Variants in S100Z observed in about 807,000 individuals in gnomAD.
S100Z encodes S100 calcium binding protein Z, also known as protein S100-Z.
S100Z carries 11 observed loss-of-function variants against 8.5 expected under a neutral mutation model. That is an observed-to-expected ratio of 1.30 (90% CI 0.82 to 2.15). The LOEUF (loss-of-function observed/expected upper bound fraction) is 2.15. Ranked by LOEUF, S100Z falls within the 30% of genes most tolerant of loss-of-function variation. S100Z has a pLI of 0.00. For missense variants in S100Z, 126 were observed against 117.9 expected (o/e 1.07, Z -0.32); for synonymous variants, 34 against 43.8 (o/e 0.78, Z 0.89).
intron 1 of S100Z, among the ~76,000 whole-genome samples, chr5:76,867,727 A>C (rs532221600): frequency 1.3e-5 from 2 of 151,876 alleles, no homozygotes; most frequent in African/African-American, 4.8e-5. Context: ...GATTACAGGC[A>C]TGCATAACCA....
In S100Z at chr5:76,889,696, G is replaced by A. The variant is rs1743791777; in HGVS notation, c.*2+11862G>A. 2.0e-5 allele frequency among the ~76,000 whole-genome samples: 3 copies of A among 152,250 alleles called. No homozygotes were observed. The South Asian group carries it at 6.2e-4, about 31-fold the overall frequency. On this transcript the variant is annotated intron_variant, in intron 4 of 4. Transcript: ENST00000317593. ...TTCAAATAAGTAAGAATTACATGAT[G>A]TACCAAAAGCTCTTTTCCAGTAAAG...
intron 4 of S100Z, among the ~76,000 whole-genome samples, chr5:76,881,552 T>A (rs1420268731): frequency 6.6e-6 from 1 of 152,172 alleles, no homozygotes; most frequent in African/African-American, 2.4e-5. Flanking sequence ...TAAGGACAGA[T>A]TTCCATGATG....
At chr5:76,907,845 A>G (rs1182668853) in intron 4 of S100Z, among the ~76,000 whole-genome samples, 1 of 152,148 alleles carries the variant, frequency 6.6e-6, no homozygotes, top group Non-Finnish European at 1.5e-5. Context: ...TGTAATAAAT[A>G]AGGCCAGGTG....
At chr5:76,945,292 G>T in the S100Z span, among the ~76,000 whole-genome samples, 1 of 152,150 alleles carries the variant, frequency 6.6e-6, no homozygotes, top group Admixed American at 6.5e-5. Context: ...ATTGTCCAAG[G>T]TTTCTTCCCG....
intron 4 of S100Z, among the ~76,000 whole-genome samples, chr5:76,901,150 C>T (rs1246152812): frequency 6.9e-6 from 1 of 144,552 alleles, no homozygotes; most frequent in Admixed American, 6.7e-5. Context: ...GTGGCCACCA[C>T]CACAATGACT....
rs959419947 is a variant in S100Z, at chr5:76,921,232, T to C, written c.*518T>C. The C allele has an allele frequency of 6.6e-5, 10 of 152,224 alleles. No homozygotes were observed. Among genetic ancestry groups the C allele is most frequent in the Non-Finnish European group, 1.5e-4 (10 of 68,030 alleles). The allele number at this position is 152,224 out of a possible 1,614,324, so 9.4% of individuals were successfully genotyped here. On this transcript the variant is annotated 3_prime_UTR_variant, in exon 5 of 5. Transcript: ENST00000317593. ...TAATAAATATACAACTGTATTATTA[T>C]TTTTGTCTGAATAGTATTTTCATTG... is the stretch of plus-strand genomic sequence containing the variant.
chr5:76,945,937 A>G, the S100Z span, among the ~76,000 whole-genome samples: 60,509 of 152,038 alleles, frequency 0.4, 14,237 homozygotes, highest in South Asian at 0.65. Flanking sequence ...GTGGAGGGGC[A>G]GGCCACCCCT....
At chr5:76,863,186 GAA>G (rs1340086466) in intron 1 of S100Z, among the ~76,000 whole-genome samples, 1 of 152,198 alleles carries the variant, frequency 6.6e-6, no homozygotes, top group African/African-American at 2.4e-5. Context: ...GGGCCAGGAG[GAA>G]AAGAGTATAG....
chr5:76,933,615 A>G, the S100Z span, among the ~76,000 whole-genome samples: 1 of 152,114 alleles, frequency 6.6e-6, no homozygotes, highest in Non-Finnish European at 1.5e-5. Flanking sequence ...TTCATATACT[A>G]TCTCACTCAA....
chr5:76,921,177 A>C lies in S100Z; in HGVS notation c.*463A>C, dbSNP rs966859745. 5 of 152,178 alleles carry C rather than the reference A, an allele frequency of 3.3e-5. No homozygotes were observed. Among genetic ancestry groups the C allele is most frequent in the Non-Finnish European group, 7.4e-5 (5 of 68,024 alleles). 9.4% of individuals were successfully genotyped at this position (152,178 alleles called of 1,614,324 possible). A position where few individuals can be genotyped will look rare whatever the true frequency, so the allele number is the denominator to read the frequency against. ...CATAAAAATGAGATTACACCAAAAA[A>C]TATCTTTTGTTATCTATATAGTTCC... On this transcript the variant is annotated 3_prime_UTR_variant, in exon 5 of 5. Transcript: ENST00000317593.
At chr5:76,929,483 C>T in the S100Z span, among the ~76,000 whole-genome samples, 1 of 152,038 alleles carries the variant, frequency 6.6e-6, no homozygotes, top group African/African-American at 2.4e-5. Flanking sequence ...GCATTGTTTC[C>T]AAATTGATTG....
the S100Z span, among the ~76,000 whole-genome samples, chr5:76,938,818 T>G: frequency 6.6e-6 from 1 of 152,188 alleles, no homozygotes; most frequent in Admixed American, 6.5e-5. Context: ...CAGGGCCCCA[T>G]GTTTTTAAAC....
chr5:76,936,662 T>C, the S100Z span, among the ~76,000 whole-genome samples: 9 of 106,246 alleles, frequency 8.5e-5, no homozygotes, highest in South Asian at 3.2e-4. Context: ...CACACAACCA[T>C]GAAGGAAACA....
At chr5:76,932,238 A>G in the S100Z span, among the ~76,000 whole-genome samples, 1 of 152,208 alleles carries the variant, frequency 6.6e-6, no homozygotes, top group African/African-American at 2.4e-5. Context: ...TCTTATAGGC[A>G]CAACCTAAGT....
chr5:76,912,201 A>G (rs1744689580), intron 4 of S100Z, among the ~76,000 whole-genome samples: 1 of 152,236 alleles, frequency 6.6e-6, no homozygotes, highest in Non-Finnish European at 1.5e-5. Flanking sequence ...GGTATCAGAC[A>G]TCCGCCTACT....
downstream of S100Z, among the ~76,000 whole-genome samples, chr5:76,924,612 C>T (rs1237486149): frequency 6.6e-6 from 1 of 152,096 alleles, no homozygotes; most frequent in Non-Finnish European, 1.5e-5. Context: ...AATAGCTTAA[C>T]AAAGATACAT....
chr5:76,882,174 G>A (rs1265801660), intron 4 of S100Z, among the ~76,000 whole-genome samples: 3 of 152,134 alleles, frequency 2.0e-5, no homozygotes, highest in African/African-American at 7.2e-5. Flanking sequence ...GATTTTGGAA[G>A]TTATGAGAAC....
At chr5:76,946,100 G>T in the S100Z span, among the ~76,000 whole-genome samples, 1 of 152,140 alleles carries the variant, frequency 6.6e-6, no homozygotes, top group African/African-American at 2.4e-5. Flanking sequence ...CAAGGCTATT[G>T]TCTGTGAAGG....
chr5:76,863,570 ACT>A (rs1751130005), intron 1 of S100Z, among the ~76,000 whole-genome samples: 1 of 151,888 alleles, frequency 6.6e-6, no homozygotes, highest in East Asian at 1.9e-4. Flanking sequence ...GCAGAGTCTC[ACT>A]CTGTTGCCCA....
Sources: allele counts gnomAD v4.1 joint callset (sites outside exome capture counted in the v4.1 genomes callset), GRCh38; gene constraint gnomAD v4.1.1; transcripts MANE v1.5; gene names NCBI Gene and HGNC (gene_info 2026-07-23, HGNC 2026-07-21).